The following RNF150 variants were observed in gnomAD, a reference collection of about 807,000 sequenced individuals.
RNF150 encodes the protein ring finger protein 150.
RNF150 carries 24 observed loss-of-function variants against 39.3 expected under a neutral mutation model. The observed-to-expected ratio is 0.61, with a 90% confidence interval of 0.44 to 0.86. The LOEUF (loss-of-function observed/expected upper bound fraction) is 0.86. Ranked by LOEUF, RNF150 falls within the 40% of genes least tolerant of loss-of-function variation. The probability of loss-of-function intolerance (pLI) is 0.00; values close to 1 mark genes in which losing one functional copy is unlikely to be tolerated. For missense variants in RNF150, 502 were observed against 587.8 expected, an observed-to-expected ratio of 0.85 and a Z score of 1.51; for synonymous variants, 255 against 227.3, an observed-to-expected ratio of 1.12 and a Z score of -1.10.
chr4:141,115,625 T>C (rs558353580), intron 1 of RNF150, among the ~76,000 whole-genome samples: 3 of 152,222 alleles, frequency 2.0e-5, no homozygotes, highest in East Asian at 3.9e-4. Flanking sequence ...CTTCATAGAA[T>C]TAAAATAAAA....
At chr4:140,999,705 C>T in intron 1 of RNF150, among the ~76,000 whole-genome samples, 1 of 151,918 alleles carries the variant, frequency 6.6e-6, no homozygotes, top group Non-Finnish European at 1.5e-5. Context: ...GAGGCCAAGG[C>T]AGGTGGATGA....
chr4:141,097,642 T>C (rs543040206), intron 1 of RNF150, among the ~76,000 whole-genome samples: 2 of 152,280 alleles, frequency 1.3e-5, no homozygotes, highest in African/African-American at 2.4e-5. Context: ...GCCAGTTTTA[T>C]GTAAAAATGA....
At chr4:141,147,964 C>G (rs1435897664) in intron 1 of RNF150, among the ~76,000 whole-genome samples, 1 of 152,146 alleles carries the variant, frequency 6.6e-6, no homozygotes, top group Non-Finnish European at 1.5e-5. Context: ...TTCATGTCAT[C>G]CTTTATTCTT....
intron 1 of RNF150, among the ~76,000 whole-genome samples, chr4:141,179,063 A>G (rs1260325282): frequency 1.3e-5 from 2 of 152,164 alleles, no homozygotes; most frequent in Non-Finnish European, 2.9e-5. Context: ...ATAGAAATAT[A>G]TGTAAATGTA....
At chr4:141,068,684 C>A (rs1424768509) in intron 1 of RNF150, among the ~76,000 whole-genome samples, 1 of 149,864 alleles carries the variant, frequency 6.7e-6, no homozygotes, top group Non-Finnish European at 1.5e-5. Context: ...ATTCTTCCTA[C>A]CCATGAGCAT....
chr4:140,943,241 TA>T (rs1226269205), intron 4 of RNF150, among the ~76,000 whole-genome samples: 1 of 152,078 alleles, frequency 6.6e-6, no homozygotes, highest in Non-Finnish European at 1.5e-5. Context: ...ACAAATAATC[TA>T]AAAAAGACCC....
intron 1 of RNF150, among the ~76,000 whole-genome samples, chr4:141,076,340 G>A (rs1355920722): frequency 6.6e-6 from 1 of 152,048 alleles, no homozygotes; most frequent in African/African-American, 2.4e-5. Flanking sequence ...TAAACAACTA[G>A]ATCAGGATAT....
intron 4 of RNF150, 121 bp downstream of exon 4, chr4:140,947,533 A>G: frequency 1.4e-6 from 1 of 720,868 alleles, no homozygotes; most frequent in Non-Finnish European, 2.5e-6. Context: ...CAATAGAAAC[A>G]TGGAAACACT....
chr4:141,160,854 A>G (rs190646706), intron 1 of RNF150, among the ~76,000 whole-genome samples: 259 of 152,316 alleles, frequency 1.7e-3, no homozygotes, highest in African/African-American at 6.1e-3. Context: ...TGCTTCCTCT[A>G]CAATCTGTGG....
chr4:141,132,304 C>T lies in RNF150; in HGVS notation c.484+21G>A. ...TCCGTCCCCGCCGGCTCCCCTCCCC[C>T]GCGCCCGCTGGGCCACTCACCCGCG... On this transcript the variant is annotated intron_variant, in intron 1 of 6. Transcript: ENST00000515673. The surrounding 1 kb of genome is among the most constrained non-coding windows in gnomAD (Gnocchi z 4.9). 2 of 1,559,142 alleles carry T rather than the reference C, an allele frequency of 1.3e-6. No homozygotes were observed. Among genetic ancestry groups the T allele is most frequent in the Non-Finnish European group, 1.7e-6 (2 of 1,151,166 alleles).
At chr4:141,107,426 T>C (rs762760981) in intron 1 of RNF150, among the ~76,000 whole-genome samples, 3 of 152,174 alleles carry the variant, frequency 2.0e-5, no homozygotes, top group Admixed American at 1.3e-4. Flanking sequence ...GGGTGACTTG[T>C]TCAAGGTAGC....
At chr4:141,058,520 C>T (rs1383438389) in intron 1 of RNF150, among the ~76,000 whole-genome samples, 5 of 152,044 alleles carry the variant, frequency 3.3e-5, no homozygotes, top group East Asian at 1.9e-4. Context: ...TAACAGTTGC[C>T]GAATATTCCA....
intron 1 of RNF150, among the ~76,000 whole-genome samples, chr4:140,999,975 GAA>G (rs777595439): frequency 0.3 from 12,146 of 40,456 alleles, 3,694 homozygotes; most frequent in Admixed American, 0.44. Context: ...AGAAGAAGAA[GAA>G]AAGAAGAAAA....
At chr4:141,061,211 C>T (rs1204314520) in intron 1 of RNF150, among the ~76,000 whole-genome samples, 2 of 151,972 alleles carry the variant, frequency 1.3e-5, no homozygotes, top group Non-Finnish European at 2.9e-5. Flanking sequence ...CTCTGATATC[C>T]TGGTACTGCA....
At chr4:141,024,191 G>C (rs1180394739) in intron 1 of RNF150, among the ~76,000 whole-genome samples, 3 of 152,112 alleles carry the variant, frequency 2.0e-5, no homozygotes, top group Non-Finnish European at 4.4e-5. Flanking sequence ...GTTCAGATTT[G>C]TCTCTAGCAA....
chr4:140,934,534 T>C (rs1264224200), intron 4 of RNF150, among the ~76,000 whole-genome samples: 4 of 152,186 alleles, frequency 2.6e-5, no homozygotes, highest in Non-Finnish European at 5.9e-5. Context: ...AAGTCTGCTT[T>C]CTTTTCAGGC....
At chr4:140,975,931 C>T (rs188489070) in intron 1 of RNF150, among the ~76,000 whole-genome samples, 28 of 152,282 alleles carry the variant, frequency 1.8e-4, no homozygotes, top group Admixed American at 1.4e-3. Flanking sequence ...CTCATTCGAT[C>T]ATCGAATCCA....
chr4:141,194,639 C>T (rs1728168387), intron 1 of RNF150, among the ~76,000 whole-genome samples: 1 of 152,144 alleles, frequency 6.6e-6, no homozygotes, highest in South Asian at 2.1e-4. Context: ...GCTTGTTTTT[C>T]CTCACACAAT....
At position 140,956,993 on chromosome 4, in the gene RNF150, G is replaced by C. The variant is rs1443466542; in HGVS notation, c.736-7621C>G. Among the ~76,000 whole-genome samples, 6 of 149,694 alleles carry C rather than the reference G, an allele frequency of 4.0e-5. No individual in the cohort carries two copies. The East Asian group carries it at 9.7e-4, about 24-fold the overall frequency. On this transcript the variant is annotated intron_variant, in intron 2 of 6. Coordinates refer to ENST00000515673, the MANE Select transcript of RNF150 (RefSeq NM_020724.2). ...GCATTACCATTCAGGACATAGGCAT[G>C]GGCAAGGACTTCATGTCTAAAACAC... is the stretch of plus-strand genomic sequence containing the variant.
Sources: gnomAD v4.1 joint callset for allele counts (sites outside exome capture counted in the v4.1 genomes callset) on GRCh38, gnomAD v4.1.1 for gene constraint, Gnocchi (gnomAD v3.1) non-coding constraint, MANE v1.5 for transcripts, NCBI Gene and HGNC (gene_info 2026-07-23, HGNC 2026-07-21) for gene names.